Variants in TUT7 observed in about 807,000 individuals in gnomAD.
The protein encoded by TUT7 is terminal uridylyltransferase 7.
In TUT7, 33 loss-of-function variants were observed where a neutral mutation model predicts 165.9. That is an observed-to-expected ratio of 0.20 (90% CI 0.15 to 0.27). The LOEUF is 0.27. Among genes scored for constraint, TUT7 ranks in the 10% least tolerant of loss-of-function variants. The pLI, the probability that TUT7 is intolerant of heterozygous loss-of-function variation, is 1.00. For missense variants in TUT7, 1,338 were observed against 1,762.3 expected, an observed-to-expected ratio of 0.76 and a Z score of 4.31; for synonymous variants, 552 against 608.1, an observed-to-expected ratio of 0.91 and a Z score of 1.36.
chr9:86,316,492 C>T (rs894678535), intron 17 of TUT7, among the ~76,000 whole-genome samples: 1 of 152,160 alleles, frequency 6.6e-6, no homozygotes, highest in Non-Finnish European at 1.5e-5. Context: ...GCTTGTTGAG[C>T]AGAACAGCTG....
In TUT7 at chr9:86,346,415, C is replaced by G; in HGVS notation, c.586G>C (p.Asp196His). The G allele has an allele frequency of 1.9e-6, 3 of 1,614,142 alleles. No individual in the cohort carries two copies. Among genetic ancestry groups the G allele is most frequent in the Non-Finnish European group, 2.5e-6 (3 of 1,179,992 alleles). ...ATCACAGGGCCTTCCAAGTCTCCAT[C>G]CTGCTCATTTTCCTCATTTCTAGTC... The part of the protein sequence containing the change: ...RKTRNEENEQ[D>H]GDLEGPVIDE... Residue 196 changes from aspartate to histidine, a missense_variant, in exon 3 of 27, where the codon GAT becomes CAT. Transcript: ENST00000375963.
intron 5 of TUT7, among the ~76,000 whole-genome samples, chr9:86,343,562 C>G (rs1382843589): frequency 2.0e-5 from 3 of 152,068 alleles, no homozygotes; most frequent in South Asian, 2.1e-4. Flanking sequence ...ATAGTATATT[C>G]AAGAGCTAAT....
chr9:86,312,179 G>A lies in TUT7; in HGVS notation c.3275-1370C>T, dbSNP rs1031465873. 1.7e-3 allele frequency among the ~76,000 whole-genome samples: 251 copies of A among 150,394 alleles called. 2 individuals are homozygous for A. Among genetic ancestry groups the A allele is most frequent in the African/African-American group, 5.5e-3 (226 of 40,730 alleles). On this transcript the variant is annotated intron_variant, in intron 17 of 26. Transcript: ENST00000375963. ...CCATCCCATCTAGGAAGTGAGGAGCGCCTCTTCCCGGCCGCCATCCCATCT... is the reference window on the plus strand; with the variant it reads ...CCATCCCATCTAGGAAGTGAGGAGCACCTCTTCCCGGCCGCCATCCCATCT...
At chr9:86,308,659 TCAATA>T in intron 21 of TUT7, 53 bp from the exon 22 acceptor site, 4 of 1,405,110 alleles carry the variant, frequency 2.8e-6, no homozygotes, top group Non-Finnish European at 3.8e-6. Flanking sequence ...AGTGTTAATA[TCAATA>T]TTCATTTGTA....
In TUT7 at chr9:86,339,060, C is replaced by CACAAAT. The variant is rs1831091832; in HGVS notation, c.1209-112_1209-111insATTTGT. 4.0e-6 allele frequency: 4 copies of CACAAAT among 1,007,622 alleles called. No homozygotes were observed. In the Admixed American group the frequency reaches 1.7e-4, roughly 42 times the overall value. The allele number at this position is 1,007,622 out of a possible 1,614,324, so 62.4% of individuals were successfully genotyped here. On this transcript the variant is annotated intron_variant, in intron 8 of 26. Coordinates refer to ENST00000375963, the MANE Select transcript of TUT7 (RefSeq NM_024617.4). Reference sequence around the variant, plus strand: ...TAATATACATGCATAATAAATACTTCAAAAATAAAAAGCTTAAAAGTGAAA... The same window carrying CACAAAT: ...TAATATACATGCATAATAAATACTTCACAAATAAAAATAAAAAGCTTAAAAGTGAAA...
At chr9:86,313,169 A>AAATAAAT (rs1564050302) in intron 17 of TUT7, among the ~76,000 whole-genome samples, 1 of 138,600 alleles carries the variant, frequency 7.2e-6, no homozygotes, top group African/African-American at 2.6e-5. Context: ...AATAAATAAA[A>AAATAAAT]AGAATTATCC....
At chr9:86,339,198 T>C (rs1831105386) in intron 8 of TUT7, among the ~76,000 whole-genome samples, 1 of 152,196 alleles carries the variant, frequency 6.6e-6, no homozygotes, top group South Asian at 2.1e-4. Flanking sequence ...TCAAATATTA[T>C]TTTTTGGGGG....
chr9:86,324,215 T>C (rs1829583536), intron 12 of TUT7: 1 of 243,080 alleles, frequency 4.1e-6, no homozygotes, highest in South Asian at 6.7e-5. Context: ...CCCTTCTCCC[T>C]ATTGTGCTCT....
chr9:86,308,823 G>A (rs1018170732), intron 21 of TUT7, among the ~76,000 whole-genome samples: 2 of 152,214 alleles, frequency 1.3e-5, no homozygotes, highest in Non-Finnish European at 2.9e-5. Flanking sequence ...TCAGTGTCAA[G>A]TCTCAGAACA....
intron 23 of TUT7, 72 bp downstream of exon 23, chr9:86,305,120 G>A: frequency 7.1e-7 from 1 of 1,403,402 alleles, no homozygotes; most frequent in South Asian, 1.3e-5. Context: ...ATAAAAGCAA[G>A]ACCCTGTCTC....
At chr9:86,313,517 C>T (rs1828423969) in intron 17 of TUT7, among the ~76,000 whole-genome samples, 1 of 152,148 alleles carries the variant, frequency 6.6e-6, no homozygotes, top group Non-Finnish European at 1.5e-5. Flanking sequence ...TTAGGTTTAT[C>T]ACCCTCATCT....
chr9:86,289,955 C>T (rs1490638190), intron 26 of TUT7, among the ~76,000 whole-genome samples: 2 of 152,012 alleles, frequency 1.3e-5, no homozygotes, highest in East Asian at 3.8e-4. Flanking sequence ...TAGGTATACA[C>T]AGAAGGATAA....
Position 86,350,605 on chromosome 9 carries a change from G to A in TUT7, c.520+2075C>T, listed in dbSNP as rs1046323584. 5.3e-5 allele frequency among the ~76,000 whole-genome samples: 8 copies of A among 152,166 alleles called. No individual in the cohort carries two copies. The South Asian group carries it at 6.2e-4, about 12-fold the overall frequency. On this transcript the variant is annotated intron_variant, in intron 2 of 26. Transcript: ENST00000375963. Reference sequence around the variant, plus strand: ...TTAGTTCTACTTCCTCATTTACCGCGCTGCATAAACAGGTCTGTGGAAATT... The same window carrying A: ...TTAGTTCTACTTCCTCATTTACCGCACTGCATAAACAGGTCTGTGGAAATT...
chr9:86,314,085 T>C (rs754358789), intron 17 of TUT7, among the ~76,000 whole-genome samples: 6 of 152,208 alleles, frequency 3.9e-5, no homozygotes, highest in Non-Finnish European at 5.9e-5. Flanking sequence ...AGGAACTGAG[T>C]GCTTGTTATG....
Position 86,353,211 on chromosome 9 carries a change from T to G in TUT7, c.-12A>C. 6.5e-7 allele frequency: 1 copy of G among 1,544,076 alleles called. No homozygotes were observed. The highest frequency in any genetic ancestry group is 8.7e-7 in the Non-Finnish European group (1 of 1,151,694). On this transcript the variant is annotated 5_prime_UTR_variant, in exon 2 of 27. Coordinates refer to ENST00000375963, the MANE Select transcript of TUT7 (RefSeq NM_024617.4). The stretch of plus-strand genomic sequence containing the variant: ...GCTGTATCTCCCATGGTCTTTGACT[T>G]CAATTTTCTTACTTTGCACCTGAAA...
Position 86,322,967 on chromosome 9 carries a change from A to G in TUT7, c.2783T>C (p.Leu928Pro). ...ALLVELNKIS[L>P]KEENVCEEKN... Reference sequence around the variant, plus strand: ...TTCTTCACATACATTTTCTTCCTTGAGACTTATTTTATTAAGTTCCACTAG... The same window carrying G: ...TTCTTCACATACATTTTCTTCCTTGGGACTTATTTTATTAAGTTCCACTAG... Residue 928 changes from leucine to proline, a missense_variant, in exon 13 of 27, where the codon CTC becomes CCC. Physicochemically the swap from Leu to Pro is moderately conservative, Grantham distance 98. Around this residue, in one of 7 missense-constraint regions of TUT7, gnomAD observed 425 missense variants for 474.9 expected, o/e 0.89. Transcript: ENST00000375963. The G allele has an allele frequency of 6.2e-7, 1 of 1,613,878 alleles. No individual in the cohort carries two copies. Among genetic ancestry groups the G allele is most frequent in the Non-Finnish European group, 8.5e-7 (1 of 1,179,928 alleles).
intron 24 of TUT7, among the ~76,000 whole-genome samples, chr9:86,304,597 G>GA (rs375190282): frequency 1.0e-4 from 15 of 144,826 alleles, no homozygotes; most frequent in South Asian, 2.2e-4. Flanking sequence ...CAGATAACCA[G>GA]AAAAAAAAAA....
intron 8 of TUT7, among the ~76,000 whole-genome samples, chr9:86,339,654 G>A (rs1056688771): frequency 2.6e-5 from 4 of 152,168 alleles, no homozygotes; most frequent in Non-Finnish European, 5.9e-5. Flanking sequence ...TGACAGTAAT[G>A]CTTTCACACA....
intron 2 of TUT7, among the ~76,000 whole-genome samples, 179 bp from the exon 3 acceptor site, chr9:86,346,659 C>T (rs1315460405): frequency 6.6e-6 from 1 of 152,210 alleles, no homozygotes; most frequent in Non-Finnish European, 1.5e-5. Context: ...GTGAGCACAT[C>T]ACCTGTAGAC....
Sources: gnomAD v4.1 joint callset for allele counts (sites outside exome capture counted in the v4.1 genomes callset) on GRCh38, gnomAD v4.1.1 for gene constraint, gnomAD v4.1.1 regional missense constraint, MANE v1.5 for transcripts, NCBI Gene and HGNC (gene_info 2026-07-23, HGNC 2026-07-21) for gene names.